PTPRD: variants seen among roughly 807,000 people sequenced by gnomAD.
PTPRD encodes the protein protein tyrosine phosphatase receptor type D, also known as receptor-type tyrosine-protein phosphatase delta.
Under a neutral mutation model 214.5 loss-of-function variants are expected in PTPRD, and 34 were observed. The observed-to-expected ratio is 0.16, with a 90% confidence interval of 0.12 to 0.21. The LOEUF (loss-of-function observed/expected upper bound fraction) is 0.21, where lower values mean the gene tolerates loss of function less well. PTPRD is among the 10% of genes least tolerant of loss of function. The probability of loss-of-function intolerance (pLI) is 1.00; values close to 1 mark genes in which losing one functional copy is unlikely to be tolerated. For missense variants in PTPRD, 2,545 were observed against 2,398.7 expected, an observed-to-expected ratio of 1.06 and a Z score of -1.27; for synonymous variants, 1,128 against 845.7, an observed-to-expected ratio of 1.33 and a Z score of -5.79.
chr9:10,597,740 T>C (rs1388861857), intron 2 of PTPRD, among the ~76,000 whole-genome samples: 1 of 151,814 alleles, frequency 6.6e-6, no homozygotes, highest in Non-Finnish European at 1.5e-5. Context: ...AAGCTACACT[T>C]CAGAATTAAT....
intron 11 of PTPRD, among the ~76,000 whole-genome samples, chr9:8,940,873 C>A (rs1238381504): frequency 6.6e-6 from 1 of 152,014 alleles, no homozygotes; most frequent in Non-Finnish European, 1.5e-5. Context: ...ACAAGGCCAA[C>A]CATACCTTTC....
At chr9:8,318,259 T>C (rs1482250309) in intron 45 of PTPRD, among the ~76,000 whole-genome samples, 1 of 152,040 alleles carries the variant, frequency 6.6e-6, no homozygotes, top group African/African-American at 2.4e-5. Context: ...ATTGAACACA[T>C]AAACTTCTTA....
chr9:8,526,551 G>C, intron 17 of PTPRD, 76 bp downstream of exon 17: 1 of 1,331,854 alleles, frequency 7.5e-7, no homozygotes, highest in Non-Finnish European at 1.0e-6. Flanking sequence ...GCTGAAAACA[G>C]GACAAAGATG....
chr9:9,461,181 T>A (rs1445764192), intron 8 of PTPRD, among the ~76,000 whole-genome samples: 1 of 138,424 alleles, frequency 7.2e-6, no homozygotes, highest in Non-Finnish European at 1.6e-5. Flanking sequence ...TGTAGGAGAA[T>A]GGAAGTAGGG....
intron 11 of PTPRD, among the ~76,000 whole-genome samples, chr9:9,009,743 T>G (rs539037551): frequency 6.6e-6 from 1 of 152,208 alleles, no homozygotes; most frequent in South Asian, 2.1e-4. Flanking sequence ...TTGGAAATAT[T>G]CTAGCTCACA....
intron 39 of PTPRD, among the ~76,000 whole-genome samples, chr9:8,357,832 G>A (rs181282716): frequency 1.3e-5 from 2 of 152,176 alleles, no homozygotes; most frequent in Admixed American, 1.3e-4. Flanking sequence ...TACAATGCAA[G>A]CCCCACACTC....
At chr9:9,462,561 T>C (rs1368298856) in intron 8 of PTPRD, among the ~76,000 whole-genome samples, 1 of 152,130 alleles carries the variant, frequency 6.6e-6, no homozygotes, top group Non-Finnish European at 1.5e-5. Context: ...TAGAAACAAA[T>C]AACAATCCAA....
At chr9:9,132,262 G>A (rs553422560) in intron 10 of PTPRD, among the ~76,000 whole-genome samples, 48 of 152,198 alleles carry the variant, frequency 3.2e-4, no homozygotes, top group African/African-American at 1.1e-3. Context: ...GCCCGCTTCG[G>A]CCTCCCAAAT....
chr9:10,398,716 AATG>A (rs1436650869), intron 2 of PTPRD, among the ~76,000 whole-genome samples: 5 of 152,024 alleles, frequency 3.3e-5, no homozygotes, highest in Non-Finnish European at 5.9e-5. Flanking sequence ...TCGTGATAAT[AATG>A]ATGATGATAA....
At chr9:8,479,070 T>C (rs1250424479) in intron 30 of PTPRD, among the ~76,000 whole-genome samples, 1 of 152,206 alleles carries the variant, frequency 6.6e-6, no homozygotes, top group East Asian at 1.9e-4. Context: ...TTTTTTCTAA[T>C]AGAATACTGA....
chr9:8,449,626 T>C (rs2133444226), intron 34 of PTPRD, 99 bp downstream of exon 34: 3 of 1,070,618 alleles, frequency 2.8e-6, no homozygotes, highest in Non-Finnish European at 4.0e-6. Flanking sequence ...ATGAACAAAA[T>C]GGCTCAAAAT....
intron 9 of PTPRD, among the ~76,000 whole-genome samples, chr9:9,396,086 T>C (rs929485621): frequency 2.6e-5 from 4 of 152,160 alleles, no homozygotes; most frequent in African/African-American, 4.8e-5. Flanking sequence ...AAAACAGACA[T>C]AGAAGCTAGT....
At chr9:9,186,886 A>T (rs1434857692) in intron 9 of PTPRD, among the ~76,000 whole-genome samples, 3 of 152,148 alleles carry the variant, frequency 2.0e-5, no homozygotes, top group African/African-American at 7.2e-5. Flanking sequence ...ATTCTTACAC[A>T]TAAAAATATT....
At chr9:10,396,389 G>C (rs1277291567) in intron 2 of PTPRD, among the ~76,000 whole-genome samples, 2 of 151,862 alleles carry the variant, frequency 1.3e-5, no homozygotes, top group Admixed American at 1.3e-4. Context: ...AATTCTTCAG[G>C]ATCTATTGGC....
At chr9:9,756,939 T>G (rs1405512852) in intron 6 of PTPRD, among the ~76,000 whole-genome samples, 1 of 152,212 alleles carries the variant, frequency 6.6e-6, no homozygotes. Context: ...CAAATTACTT[T>G]TTCTGTGAAG....
intron 14 of PTPRD, among the ~76,000 whole-genome samples, chr9:8,594,670 C>T (rs557320335): frequency 1.3e-5 from 2 of 152,112 alleles, no homozygotes; most frequent in Admixed American, 6.5e-5. Flanking sequence ...CTCCTTCCGA[C>T]GCTCTCGCTC....
At chr9:10,264,790 C>T (rs1255034947) in intron 3 of PTPRD, among the ~76,000 whole-genome samples, 2 of 152,050 alleles carry the variant, frequency 1.3e-5, no homozygotes, top group African/African-American at 4.8e-5. Context: ...TATGGTTTTG[C>T]TGTGTTCCCA....
intron 9 of PTPRD, among the ~76,000 whole-genome samples, chr9:9,230,216 C>T (rs745382071): frequency 9.2e-5 from 14 of 151,896 alleles, no homozygotes; most frequent in South Asian, 2.1e-4. Flanking sequence ...CAGAATGGGG[C>T]GGTTCGACAG....
At chr9:9,589,484 C>T (rs946894467) in intron 7 of PTPRD, among the ~76,000 whole-genome samples, 3 of 151,918 alleles carry the variant, frequency 2.0e-5, no homozygotes, top group African/African-American at 7.2e-5. Flanking sequence ...TCTGATTCCT[C>T]AGTAAGACCA....
Sources: gnomAD v4.1 joint callset for allele counts (sites outside exome capture counted in the v4.1 genomes callset) on GRCh38, gnomAD v4.1.1 for gene constraint, MANE v1.5 for transcripts, NCBI Gene and HGNC (gene_info 2026-07-23, HGNC 2026-07-21) for gene names.